The following SFXN2 variants were observed in gnomAD, a reference collection of about 807,000 sequenced individuals.
The protein encoded by SFXN2 is sideroflexin-2.
In SFXN2, 37 loss-of-function variants were observed where a neutral mutation model predicts 41.9. The ratio of observed to expected loss-of-function variants is 0.88; its 90% CI spans 0.68 to 1.16. SFXN2 has a LOEUF of 1.16. Ranked by LOEUF, SFXN2 falls within the 50% of genes most tolerant of loss-of-function variation. The pLI, the probability that SFXN2 is intolerant of heterozygous loss-of-function variation, is 0.00. For synonymous variants in SFXN2, 150 were observed against 156.7 expected (o/e 0.96, Z 0.32); for missense variants, 386 against 425.2 (o/e 0.91, Z 0.81).
chr10:102,729,234 C>T (rs997932630), intron 4 of SFXN2, 85 bp from the exon 5 acceptor site: 12 of 1,353,068 alleles, frequency 8.9e-6, no homozygotes, highest in African/African-American at 4.3e-5. Context: ...CACGAAGCCT[C>T]GCCAGCCGAC....
chr10:102,725,468 T>C (rs1283873239), intron 1 of SFXN2, among the ~76,000 whole-genome samples: 2 of 152,194 alleles, frequency 1.3e-5, no homozygotes, highest in African/African-American at 4.8e-5. Flanking sequence ...ATGCCTGTAG[T>C]CCCAGCTACT....
chr10:102,723,683 A>G (rs1271539994), intron 1 of SFXN2, among the ~76,000 whole-genome samples: 4 of 152,200 alleles, frequency 2.6e-5, no homozygotes, highest in Admixed American at 6.5e-5. Flanking sequence ...AGTAATTCCA[A>G]TGATCTAGGA....
In SFXN2 at chr10:102,742,831, G is replaced by A. The variant is rs1374455122; in HGVS notation, c.*5069G>A. 6.6e-6 allele frequency: 1 copy of A among 152,040 alleles called. No individual in the cohort carries two copies. Among genetic ancestry groups the A allele is most frequent in the African/African-American group, 2.4e-5 (1 of 41,418 alleles). The allele number at this position is 152,040 out of a possible 1,614,324, so 9.4% of individuals were successfully genotyped here. On this transcript the variant is annotated 3_prime_UTR_variant, in exon 12 of 12. Coordinates refer to ENST00000369893, the MANE Select transcript of SFXN2 (RefSeq NM_178858.6). ...GTACAGGATATTATAGGCTTTAAAA[G>A]AAGAAGAAGAAAGACCTGGTATGCT...
Position 102,731,736 on chromosome 10 carries a change from G to A in SFXN2, c.607G>A (p.Gly203Arg). Reference sequence around the variant, plus strand: ...GTCTGTGTTTAGGGAGCTCATAAAGGGAATCTGCGTGAAGGACAGGAATGA... The same window carrying A: ...GTCTGTGTTTAGGGAGCTCATAAAGAGAATCTGCGTGAAGGACAGGAATGA... ...PMMRQQELIK[G>R]ICVKDRNENE... is the part of the protein sequence containing the mutation. Residue 203 changes from glycine to arginine, a missense_variant, in exon 7 of 12, where the codon GGA (glycine) becomes AGA (arginine). Transcript: ENST00000369893. 2 of 1,613,906 alleles carry A rather than the reference G, an allele frequency of 1.2e-6. No individual in the cohort carries two copies. Among genetic ancestry groups the A allele is most frequent in the Non-Finnish European group, 1.7e-6 (2 of 1,179,834 alleles).
At chr10:102,720,627 C>T (rs1023951277) in intron 1 of SFXN2, among the ~76,000 whole-genome samples, 1 of 151,704 alleles carries the variant, frequency 6.6e-6, no homozygotes, top group East Asian at 1.9e-4. Flanking sequence ...AAAAAAAAAT[C>T]CCATGGTATT....
intron 4 of SFXN2, among the ~76,000 whole-genome samples, 193 bp from the exon 5 acceptor site, chr10:102,729,126 C>T (rs1384364441): frequency 6.6e-6 from 1 of 152,188 alleles, no homozygotes; most frequent in Admixed American, 6.5e-5. Context: ...TTGGCATGTT[C>T]ACAGTACTGA....
chr10:102,735,116 C>T (rs891189975), intron 10 of SFXN2, among the ~76,000 whole-genome samples: 7 of 149,584 alleles, frequency 4.7e-5, no homozygotes, highest in African/African-American at 7.4e-5. Flanking sequence ...TCACTCCTCC[C>T]GATACAAGTC....
At chr10:102,716,503 G>A (rs990611654) in intron 1 of SFXN2, 4 of 149,144 alleles carry the variant, frequency 2.7e-5, no homozygotes, top group Admixed American at 6.7e-5. Flanking sequence ...TGAGCATTAC[G>A]TCAGAGGTGG....
intron 9 of SFXN2, 57 bp from the exon 10 acceptor site, chr10:102,733,497 T>C: frequency 6.9e-7 from 1 of 1,440,902 alleles, no homozygotes; most frequent in Non-Finnish European, 9.8e-7. Flanking sequence ...AGGGTTGGGG[T>C]TCACCTTAAG....
At chr10:102,728,570 C>T (rs1342595424) in intron 4 of SFXN2, 41 bp downstream of exon 4, 10 of 1,566,316 alleles carry the variant, frequency 6.4e-6, no homozygotes, top group Admixed American at 1.7e-5. Context: ...TGTCTCCCCA[C>T]GAACAGCTTT....
At chr10:102,719,819 CTAT>C (rs2064480645) in intron 1 of SFXN2, among the ~76,000 whole-genome samples, 1 of 151,996 alleles carries the variant, frequency 6.6e-6, no homozygotes, top group Admixed American at 6.6e-5. Context: ...AGCTAAGGTG[CTAT>C]TTCCAAGAAA....
chr10:102,720,045 T>C (rs1034180974), intron 1 of SFXN2, among the ~76,000 whole-genome samples: 1 of 151,944 alleles, frequency 6.6e-6, no homozygotes, highest in South Asian at 2.1e-4. Context: ...ATCCCAACAC[T>C]TGGGGAGGCC....
At position 102,741,970 on chromosome 10, in the gene SFXN2, G is replaced by A. The variant is rs1842791291; in HGVS notation, c.*4208G>A. The A allele has an allele frequency of 6.6e-6, 1 of 152,172 alleles. No homozygotes were observed. Among genetic ancestry groups the A allele is most frequent in the African/African-American group, 2.4e-5 (1 of 41,438 alleles). 9.4% of individuals were successfully genotyped at this position (152,172 alleles called of 1,614,324 possible). Reference sequence around the variant, plus strand: ...AACTATGGACTTTCTTAAGCTGAGGGAAGACTGACTTAACTCTTACCTGTT... The same window carrying A: ...AACTATGGACTTTCTTAAGCTGAGGAAAGACTGACTTAACTCTTACCTGTT... On this transcript the variant is annotated 3_prime_UTR_variant, in exon 12 of 12. Coordinates refer to ENST00000369893, the MANE Select transcript of SFXN2 (RefSeq NM_178858.6).
At chr10:102,723,930 A>G (rs1049253658) in intron 1 of SFXN2, among the ~76,000 whole-genome samples, 25 of 152,162 alleles carry the variant, frequency 1.6e-4, no homozygotes, top group Admixed American at 1.2e-3. Flanking sequence ...TCACCCAGCT[A>G]CTAAGTTTAG....
At position 102,730,903 on chromosome 10, in the gene SFXN2, C is replaced by T. The variant is rs375070611; in HGVS notation, c.594-820C>T. Among the ~76,000 whole-genome samples the T allele has an allele frequency of 2.1e-4, 32 of 150,504 alleles. 1 individual carries two copies. The highest frequency in any genetic ancestry group is 2.1e-3 in the South Asian group (10 of 4,790). On this transcript the variant is annotated intron_variant, in intron 6 of 11. Coordinates refer to ENST00000369893, the MANE Select transcript of SFXN2 (RefSeq NM_178858.6). ...GAGATCGAGACCATCCTGGCTAACACGGTGAAACCCCGTCTCTACTAAAAA... is the reference window on the plus strand; with the variant it reads ...GAGATCGAGACCATCCTGGCTAACATGGTGAAACCCCGTCTCTACTAAAAA...
rs368931070 is a variant in SFXN2, at chr10:102,731,264, C to CA, written c.594-437dup. 8.6e-3 allele frequency among the ~76,000 whole-genome samples: 728 copies of CA among 84,492 alleles called. 8 individuals are homozygous for CA. The highest frequency in any genetic ancestry group is 0.023 in the Middle Eastern group (4 of 176). 55.4% of individuals were successfully genotyped at this position (84,492 alleles called of 152,430 possible). ...CCTGGGTGACAGAGTGCGATTGTCT[C>CA]AAAAAAAAAAAAAAAAAAAAAAGGA... On this transcript the variant is annotated intron_variant, in intron 6 of 11. Coordinates refer to ENST00000369893, the MANE Select transcript of SFXN2 (RefSeq NM_178858.6).
At chr10:102,722,162 G>A (rs1247824270) in intron 1 of SFXN2, among the ~76,000 whole-genome samples, 1 of 152,154 alleles carries the variant, frequency 6.6e-6, no homozygotes, top group Non-Finnish European at 1.5e-5. Context: ...ACTCCCTGAA[G>A]CTTTCAGGCA....
rs537508726 is a variant in SFXN2 at position 102,726,663 on chromosome 10, C to T, written c.27C>T (p.Asn9=). 3 of 1,614,166 alleles carry T rather than the reference C, an allele frequency of 1.9e-6. No homozygotes were observed. The highest frequency in any genetic ancestry group is 1.3e-5 in the African/African-American group (1 of 75,052). MEADLSGF[N]IDAPRWDQRT... ...TGGAGGCTGACCTGTCTGGCTTTAACATCGATGCCCCCCGTTGGGACCAGC... is the reference window on the plus strand; with the variant it reads ...TGGAGGCTGACCTGTCTGGCTTTAATATCGATGCCCCCCGTTGGGACCAGC... Residue 9 remains asparagine, a synonymous_variant, in exon 2 of 12, where the codon AAC becomes AAT. Coordinates refer to ENST00000369893, the MANE Select transcript of SFXN2 (RefSeq NM_178858.6).
chr10:102,729,923 G>T (rs937992988), intron 6 of SFXN2, 115 bp downstream of exon 6: 35 of 1,156,312 alleles, frequency 3.0e-5, no homozygotes, highest in Non-Finnish European at 4.2e-5. Flanking sequence ...AGGGCTGCTG[G>T]GCTGAGCCTC....
Sources: allele counts gnomAD v4.1 joint callset (sites outside exome capture counted in the v4.1 genomes callset), GRCh38; gene constraint gnomAD v4.1.1; transcripts MANE v1.5; gene names NCBI Gene and HGNC (gene_info 2026-07-23, HGNC 2026-07-21).